ARIH1: variants seen among roughly 807,000 people sequenced by gnomAD.
ARIH1 encodes ariadne RBR E3 ubiquitin protein ligase 1.
In ARIH1, 8 loss-of-function variants were observed where a neutral mutation model predicts 85.0. That is an observed-to-expected ratio of 0.09 (90% CI 0.06 to 0.17). The LOEUF is 0.17. Ranked by LOEUF, ARIH1 falls within the 10% of genes least tolerant of loss-of-function variation. The pLI is 1.00. For synonymous variants in ARIH1, 238 were observed against 253.6 expected (o/e 0.94, Z 0.59); for missense variants, 311 against 718.1 (o/e 0.43, Z 6.48).
At chr15:72,512,373 T>C (rs1196579783) in intron 1 of ARIH1, among the ~76,000 whole-genome samples, 2 of 152,128 alleles carry the variant, frequency 1.3e-5, no homozygotes, top group East Asian at 3.9e-4. Flanking sequence ...TAGTAATTTG[T>C]GTCTTTAAGA....
chr15:72,484,352 TG>T (rs1414378971), intron 1 of ARIH1, among the ~76,000 whole-genome samples: 2 of 152,098 alleles, frequency 1.3e-5, no homozygotes, highest in Non-Finnish European at 2.9e-5. Flanking sequence ...TGTGAGATTT[TG>T]GTGCACCCAT....
chr15:72,545,534 T>C (rs2064125188), intron 3 of ARIH1, among the ~76,000 whole-genome samples: 2 of 152,170 alleles, frequency 1.3e-5, no homozygotes, highest in Non-Finnish European at 2.9e-5. Context: ...CCTAAAAATT[T>C]ATTGAACTGA....
In ARIH1 at chr15:72,597,910, A is replaced by T. The variant is rs542754005; in HGVS notation, c.*14618A>T. 6.6e-6 allele frequency: 1 copy of T among 152,162 alleles called. No homozygotes were observed. The highest frequency in any genetic ancestry group is 2.1e-4 in the South Asian group (1 of 4,832). The allele number at this position is 152,162 out of a possible 1,614,324, so 9.4% of individuals were successfully genotyped here. A position where few individuals can be genotyped will look rare whatever the true frequency, so the allele number is the denominator to read the frequency against. ...ACAGCTAGGGGGTCTCTTCTCTCCT[A>T]TGAAGGACTTGGCACTTTCTGGAGT... On this transcript the variant is annotated 3_prime_UTR_variant, in exon 14 of 14. Coordinates refer to ENST00000379887, the MANE Select transcript of ARIH1 (RefSeq NM_005744.5).
rs1395584562 is a variant in ARIH1 at position 72,592,990 on chromosome 15, C to T, written c.*9698C>T. ...GTGCATGTTTATAAGAAACTGCCCT[C>T]TTATTCTCCAAAGTGGTTTTACCAT... On this transcript the variant is annotated 3_prime_UTR_variant, in exon 14 of 14. Coordinates refer to ENST00000379887, the MANE Select transcript of ARIH1 (RefSeq NM_005744.5). The T allele has an allele frequency of 1.3e-5, 2 of 152,138 alleles. No homozygotes were observed. The highest frequency in any genetic ancestry group is 2.9e-5 in the Non-Finnish European group (2 of 68,008). 9.4% of individuals were successfully genotyped at this position (152,138 alleles called of 1,614,324 possible).
intron 1 of ARIH1, among the ~76,000 whole-genome samples, chr15:72,516,555 T>C (rs555107439): frequency 2.0e-5 from 3 of 152,336 alleles, no homozygotes; most frequent in South Asian, 4.1e-4. Context: ...TTAACTCTTA[T>C]AGATGGGTGG....
At chr15:72,518,192 C>T (rs1283272478) in intron 2 of ARIH1, 58 bp downstream of exon 2, 29 of 1,419,070 alleles carry the variant, frequency 2.0e-5, no homozygotes, top group African/African-American at 2.9e-5. Context: ...CCTATTGAAC[C>T]GAATTTACAA....
Position 72,474,399 on chromosome 15 carries a change from C to G in ARIH1, c.-241C>G, listed in dbSNP as rs1163833099. The G allele has an allele frequency of 3.7e-6, 2 of 537,692 alleles. No individual in the cohort carries two copies. Among genetic ancestry groups the G allele is most frequent in the Non-Finnish European group, 6.5e-6 (2 of 308,318 alleles). 33.3% of individuals were successfully genotyped at this position (537,692 alleles called of 1,614,324 possible). ...TCTCTCGGAGGCCGGAGCGGAGCCG[C>G]GTCTGACTGAGGCGGGCAGCAAGCG... On this transcript the variant is annotated 5_prime_UTR_variant, in exon 1 of 14. Transcript: ENST00000379887.
At position 72,589,364 on chromosome 15, in the gene ARIH1, C is replaced by T. The variant is rs1473810832; in HGVS notation, c.*6072C>T. On this transcript the variant is annotated 3_prime_UTR_variant, in exon 14 of 14. Transcript: ENST00000379887. ...CAAAACCTAGTTACAATAATAAGCA[C>T]ACCAGTGCTAACTTGGGCAAAAGAT... 2 of 152,212 alleles carry T rather than the reference C, an allele frequency of 1.3e-5. No individual in the cohort carries two copies. The highest frequency in any genetic ancestry group is 4.8e-5 in the African/African-American group (2 of 41,454). The allele number at this position is 152,212 out of a possible 1,614,324, so 9.4% of individuals were successfully genotyped here. A position where few individuals can be genotyped will look rare whatever the true frequency, so the allele number is the denominator to read the frequency against.
chr15:72,549,498 C>G (rs1490202249), intron 3 of ARIH1, among the ~76,000 whole-genome samples: 1 of 152,142 alleles, frequency 6.6e-6, no homozygotes, highest in Non-Finnish European at 1.5e-5. Flanking sequence ...CATCCCGTCC[C>G]CCATTCCTGA....
In ARIH1 at chr15:72,596,784, A is replaced by G. The variant is rs1455524634; in HGVS notation, c.*13492A>G. The G allele has an allele frequency of 6.6e-6, 1 of 152,116 alleles. No homozygotes were observed. The highest frequency in any genetic ancestry group is 1.5e-5 in the Non-Finnish European group (1 of 68,006). The allele number at this position is 152,116 out of a possible 1,614,324, so 9.4% of individuals were successfully genotyped here. The stretch of plus-strand genomic sequence containing the variant: ...TAGTTATTTATGGATACATAGTTGT[A>G]CTGAATTATTCATTTCTAATATTTT... On this transcript the variant is annotated 3_prime_UTR_variant, in exon 14 of 14. Coordinates refer to ENST00000379887, the MANE Select transcript of ARIH1 (RefSeq NM_005744.5).
chr15:72,526,762 T>A (rs1241378325), intron 2 of ARIH1, among the ~76,000 whole-genome samples: 2 of 152,018 alleles, frequency 1.3e-5, no homozygotes, highest in Non-Finnish European at 2.9e-5. Flanking sequence ...AGGTCGGAGC[T>A]GGTGGAGAAA....
intron 3 of ARIH1, among the ~76,000 whole-genome samples, chr15:72,546,937 G>GC (rs2064131866): frequency 1.7e-5 from 1 of 57,364 alleles, no homozygotes; most frequent in Non-Finnish European, 6.8e-5. Context: ...TTTTTGGAGG[G>GC]GGGGGGGTGG....
At chr15:72,523,122 C>T (rs1393584852) in intron 2 of ARIH1, among the ~76,000 whole-genome samples, 1 of 152,188 alleles carries the variant, frequency 6.6e-6, no homozygotes, top group Non-Finnish European at 1.5e-5. Context: ...CTATGTAACT[C>T]AGCAATCAAA....
chr15:72,554,393 C>CT (rs965379552), intron 3 of ARIH1, among the ~76,000 whole-genome samples: 11 of 151,340 alleles, frequency 7.3e-5, no homozygotes, highest in African/African-American at 1.9e-4. Context: ...TTAATATTGG[C>CT]TTTTTTTTTC....
At chr15:72,533,768 A>G (rs966915956) in intron 2 of ARIH1, among the ~76,000 whole-genome samples, 1 of 152,056 alleles carries the variant, frequency 6.6e-6, no homozygotes, top group Non-Finnish European at 1.5e-5. Flanking sequence ...TTAGCTATGC[A>G]TGGTGGCATC....
intron 10 of ARIH1, 79 bp from the exon 11 acceptor site, chr15:72,572,029 A>T: frequency 9.8e-7 from 1 of 1,016,504 alleles, no homozygotes; most frequent in Non-Finnish European, 1.5e-6. Context: ...CTGTAAATCC[A>T]GGTTAAAATT....
At position 72,475,667 on chromosome 15, in the gene ARIH1, C is replaced by T. The variant is rs1293325459; in HGVS notation, c.375+653C>T. The stretch of plus-strand genomic sequence containing the variant: ...GGACCTAATTGCTACTTTTTCTAGT[C>T]GTAGCAGATGACTTGCTTGAAGCTG... On this transcript the variant is annotated intron_variant, in intron 1 of 13. Transcript: ENST00000379887. Among the ~76,000 whole-genome samples the T allele has an allele frequency of 4.6e-5, 7 of 152,144 alleles. 1 individual carries two copies. The highest frequency in any genetic ancestry group is 4.6e-4 in the Admixed American group (7 of 15,278).
chr15:72,582,173 A>G lies in ARIH1; in HGVS notation c.1575A>G (p.Val525=), dbSNP rs1332734050. 1.9e-6 allele frequency: 3 copies of G among 1,611,496 alleles called. No homozygotes were observed. Among genetic ancestry groups the G allele is most frequent in the Non-Finnish European group, 2.5e-6 (3 of 1,178,738 alleles). The change falls in exon 13 of 14, where the codon GTA becomes GTG. Residue 525 remains valine, a synonymous_variant. Transcript: ENST00000379887. The surrounding 1 kb of genome is among the most constrained non-coding windows in gnomAD (Gnocchi z 4.6). The part of the protein sequence containing the change: ...QDSLQDIKQK[V]QDKYRYCESR... Reference sequence around the variant, plus strand: ...CTCTGCAGGATATAAAGCAGAAAGTACAAGACAAGTACAGGTAATTTTTTT... The same window carrying G: ...CTCTGCAGGATATAAAGCAGAAAGTGCAAGACAAGTACAGGTAATTTTTTT...
rs1393020860 is a variant in ARIH1, at chr15:72,584,916, G to T, written c.*1624G>T. 3 of 150,524 alleles carry T rather than the reference G, an allele frequency of 2.0e-5. No homozygotes were observed. The East Asian group carries it at 5.8e-4, about 29-fold the overall frequency. 9.3% of individuals were successfully genotyped at this position (150,524 alleles called of 1,614,324 possible). Reference sequence around the variant, plus strand: ...AGTGAACTAGGCAACTAGATTAAGAGGTCTAAATATGAAATACCAGTTGAG... The same window carrying T: ...AGTGAACTAGGCAACTAGATTAAGATGTCTAAATATGAAATACCAGTTGAG... On this transcript the variant is annotated 3_prime_UTR_variant, in exon 14 of 14. Transcript: ENST00000379887.
Sources: allele counts gnomAD v4.1 joint callset (sites outside exome capture counted in the v4.1 genomes callset), GRCh38; gene constraint gnomAD v4.1.1; non-coding constraint Gnocchi (gnomAD v3.1); transcripts MANE v1.5; gene names NCBI Gene and HGNC (gene_info 2026-07-23, HGNC 2026-07-21).